COMMD1: variants seen among roughly 807,000 people sequenced by gnomAD.
COMMD1 encodes COMM domain-containing protein 1.
COMMD1 carries 10 observed loss-of-function variants against 17.2 expected under a neutral mutation model. The observed-to-expected ratio is 0.58, with a 90% CI of 0.36 to 0.99. The LOEUF is 0.99. Among genes scored for constraint, COMMD1 ranks in the 50% least tolerant of loss-of-function variants. The pLI is 0.01. For synonymous variants in COMMD1, 97 were observed against 91.6 expected (o/e 1.06, Z -0.34); for missense variants, 270 against 231.8 (o/e 1.17, Z -1.07).
chr2:61,960,242 T>A (rs955851373), intron 1 of COMMD1, among the ~76,000 whole-genome samples: 6 of 152,224 alleles, frequency 3.9e-5, no homozygotes, highest in African/African-American at 1.4e-4. Flanking sequence ...CTCTTTTTAC[T>A]TTATACTTCT....
At chr2:61,946,008 C>T (rs1271634182) in intron 1 of COMMD1, among the ~76,000 whole-genome samples, 1 of 152,186 alleles carries the variant, frequency 6.6e-6, no homozygotes, top group African/African-American at 2.4e-5. Context: ...GTCCTACCTC[C>T]ACTTCCCTTC....
intron 2 of COMMD1, among the ~76,000 whole-genome samples, chr2:62,076,055 C>G (rs537267656): frequency 3.9e-5 from 6 of 152,196 alleles, no homozygotes; most frequent in Non-Finnish European, 8.8e-5. Flanking sequence ...AGTGTCTTAG[C>G]CACCCTGGCT....
chr2:62,130,897 A>G (rs1304232088), intron 2 of COMMD1, among the ~76,000 whole-genome samples: 1 of 152,214 alleles, frequency 6.6e-6, no homozygotes, highest in Non-Finnish European at 1.5e-5. Context: ...GTAAACTAAT[A>G]ATCAATTATG....
intron 1 of COMMD1, among the ~76,000 whole-genome samples, chr2:61,958,372 T>C (rs1671249903): frequency 6.6e-6 from 1 of 152,020 alleles, no homozygotes; most frequent in African/African-American, 2.4e-5. Flanking sequence ...GTTCAAGCTA[T>C]TCTCCTGCCT....
At chr2:61,906,773 C>T (rs1669784605) in intron 1 of COMMD1, among the ~76,000 whole-genome samples, 1 of 151,748 alleles carries the variant, frequency 6.6e-6, no homozygotes, top group African/African-American at 2.4e-5. Context: ...TAGTGGACAC[C>T]CATGGTAAAG....
intron 2 of COMMD1, among the ~76,000 whole-genome samples, chr2:62,028,584 A>C (rs2103870852): frequency 6.6e-6 from 1 of 152,292 alleles, no homozygotes; most frequent in East Asian, 1.9e-4. Flanking sequence ...AAAAAAAAGG[A>C]AAATAAAAAG....
chr2:62,008,781 T>C (rs1669195732), intron 2 of COMMD1, among the ~76,000 whole-genome samples: 1 of 142,390 alleles, frequency 7.0e-6, no homozygotes, highest in African/African-American at 2.9e-5. Context: ...TTTATTTGTT[T>C]GTTTATTTAT....
intron 2 of COMMD1, among the ~76,000 whole-genome samples, chr2:62,107,750 T>C (rs1316465522): frequency 6.6e-6 from 1 of 152,234 alleles, no homozygotes; most frequent in Non-Finnish European, 1.5e-5. Context: ...TTTGGGAATT[T>C]TTTAGAACTC....
intron 2 of COMMD1, among the ~76,000 whole-genome samples, chr2:62,036,882 T>A (rs1185462514): frequency 2.6e-5 from 4 of 152,252 alleles, no homozygotes. Context: ...TAGGACTTTT[T>A]AAAATAATAC....
chr2:61,975,360 A>G (rs112875142), intron 1 of COMMD1, among the ~76,000 whole-genome samples: 84 of 152,096 alleles, frequency 5.5e-4, no homozygotes, highest in African/African-American at 1.0e-3. Context: ...TAATTTTTCA[A>G]TTCATTTGGG....
intron 2 of COMMD1, among the ~76,000 whole-genome samples, chr2:62,109,011 C>G (rs1043791504): frequency 6.6e-6 from 1 of 152,138 alleles, no homozygotes; most frequent in African/African-American, 2.4e-5. Context: ...CCCATATTGC[C>G]CCAGCAAGCT....
chr2:62,065,327 A>C (rs1456271523), intron 2 of COMMD1, among the ~76,000 whole-genome samples: 1 of 131,886 alleles, frequency 7.6e-6, no homozygotes, highest in African/African-American at 2.8e-5. Context: ...GTGACATTTT[A>C]TATGTACTTA....
intron 2 of COMMD1, among the ~76,000 whole-genome samples, chr2:62,012,270 TACACACACACACACACACACACAC>T (rs57739132): frequency 7.7e-6 from 1 of 129,894 alleles, no homozygotes; most frequent in Admixed American, 7.9e-5. Flanking sequence ...CACACACACA[TACACACACACACACACACACACAC>T]ACACACACAC....
intron 1 of COMMD1, among the ~76,000 whole-genome samples, chr2:61,948,306 T>C (rs1340902199): frequency 6.6e-6 from 1 of 152,170 alleles, no homozygotes; most frequent in East Asian, 1.9e-4. Context: ...TTTTTTCTTT[T>C]TTCTATGTCC....
chr2:61,986,124 A>G (rs1441007743), intron 1 of COMMD1, among the ~76,000 whole-genome samples: 1 of 149,774 alleles, frequency 6.7e-6, no homozygotes, highest in Non-Finnish European at 1.5e-5. Context: ...TTTGATGGAT[A>G]TTTTCTCCAG....
intron 2 of COMMD1, among the ~76,000 whole-genome samples, chr2:62,015,751 T>A (rs1428882031): frequency 6.7e-6 from 1 of 150,194 alleles, no homozygotes; most frequent in Non-Finnish European, 1.5e-5. Flanking sequence ...GTATATAAAG[T>A]GGTATCTCAT....
chr2:62,135,573 G>A (rs1186928890), intron 2 of COMMD1, among the ~76,000 whole-genome samples: 2 of 151,972 alleles, frequency 1.3e-5, no homozygotes, highest in Non-Finnish European at 2.9e-5. Context: ...GGATGGTCTC[G>A]ATCTCCTGAC....
At chr2:62,091,459 T>C (rs1671826896) in intron 2 of COMMD1, among the ~76,000 whole-genome samples, 1 of 152,254 alleles carries the variant, frequency 6.6e-6, no homozygotes, top group East Asian at 1.9e-4. Flanking sequence ...TGTATACTGA[T>C]GGCATTTGTA....
intron 1 of COMMD1, among the ~76,000 whole-genome samples, chr2:61,973,598 G>C (rs550893815): frequency 5.9e-5 from 9 of 152,128 alleles, no homozygotes; most frequent in Non-Finnish European, 1.2e-4. Flanking sequence ...TCAGTTTGAA[G>C]GAGTCGTTAT....
Sources: gnomAD v4.1 joint callset for allele counts (sites outside exome capture counted in the v4.1 genomes callset) on GRCh38, gnomAD v4.1.1 for gene constraint, MANE v1.5 for transcripts, NCBI Gene and HGNC (gene_info 2026-07-23, HGNC 2026-07-21) for gene names.